The following CD8B variants were observed in gnomAD, a reference collection of about 807,000 sequenced individuals.
CD8B encodes T-cell surface glycoprotein CD8 beta chain.
Under a neutral mutation model 24.2 loss-of-function variants are expected in CD8B, and 6 were observed. That is an observed-to-expected ratio of 0.25 (90% CI 0.14 to 0.49). The LOEUF (loss-of-function observed/expected upper bound fraction) is 0.49. Ranked by LOEUF, CD8B falls within the 20% of genes least tolerant of loss-of-function variation. The pLI, the probability that CD8B is intolerant of heterozygous loss-of-function variation, is 0.98. For missense variants in CD8B, 196 were observed against 271.3 expected, an observed-to-expected ratio of 0.72 and a Z score of 1.95; for synonymous variants, 84 against 108.3, an observed-to-expected ratio of 0.78 and a Z score of 1.39.
intron 5 of CD8B, chr2:86,822,396 C>T (rs1674515325): frequency 6.8e-7 from 1 of 1,474,838 alleles, no homozygotes; most frequent in South Asian, 1.2e-5. Context: ...AGAGTATGAA[C>T]AGAGATGTTA....
At chr2:86,847,200 G>C (rs1675732495) in intron 3 of CD8B, among the ~76,000 whole-genome samples, 1 of 151,878 alleles carries the variant, frequency 6.6e-6, no homozygotes, top group Admixed American at 6.6e-5. Flanking sequence ...GCCTCCCAAA[G>C]TGCTGGGATT....
intron 5 of CD8B, among the ~76,000 whole-genome samples, chr2:86,818,689 C>T (rs887212694): frequency 1.3e-5 from 2 of 152,164 alleles, no homozygotes; most frequent in Non-Finnish European, 2.9e-5. Flanking sequence ...CCCCTATGCC[C>T]TGAGCCACAA....
At chr2:86,822,401 A>T in intron 5 of CD8B, 1 of 1,353,256 alleles carries the variant, frequency 7.4e-7, no homozygotes, top group Non-Finnish European at 1.0e-6. Context: ...ATGAACAGAG[A>T]TGTTAAATGT....
chr2:86,850,258 C>T (rs1675910845), intron 3 of CD8B, among the ~76,000 whole-genome samples: 1 of 152,144 alleles, frequency 6.6e-6, no homozygotes, highest in Admixed American at 6.5e-5. Flanking sequence ...CCCAGCCTTC[C>T]TCATCTTACC....
chr2:86,836,397 A>G (rs1393278614), downstream of CD8B, among the ~76,000 whole-genome samples: 2 of 152,028 alleles, frequency 1.3e-5, no homozygotes, highest in African/African-American at 4.8e-5. Context: ...GGGCCCAACT[A>G]TGTCCATCCT....
In CD8B at chr2:86,817,643, C is replaced by G. The variant is rs577883741; in HGVS notation, c.621-1925G>C. Among the ~76,000 whole-genome samples, 3 of 152,006 alleles carry G rather than the reference C, an allele frequency of 2.0e-5. No individual in the cohort carries two copies. The South Asian group carries it at 6.2e-4, about 32-fold the overall frequency. ...AAGAGAATCACAAGTATAAAAAAAG[C>G]CTGGAGGCAGAACCCACAAATTTCA... On this transcript the variant is annotated intron_variant, in intron 5 of 5. Coordinates refer to the CD8B transcript ENST00000331469.
In CD8B at chr2:86,838,721, C is replaced by A. The variant is rs1211590046; in HGVS notation, c.*3586G>T. ...CTTGCTATGTTGCCTAGGCTGCTCT[C>A]AAACTCCTGAGCTCAAGTGATCATT... On this transcript the variant is annotated 3_prime_UTR_variant, in exon 6 of 6. Transcript: ENST00000390655. Among the ~76,000 whole-genome samples the A allele has an allele frequency of 1.3e-5, 2 of 152,160 alleles. No homozygotes were observed. Among genetic ancestry groups the A allele is most frequent in the Non-Finnish European group, 2.9e-5 (2 of 68,018 alleles).
downstream of CD8B, among the ~76,000 whole-genome samples, chr2:86,836,738 C>T (rs557972970): frequency 6.6e-6 from 1 of 152,260 alleles, no homozygotes; most frequent in East Asian, 1.9e-4. Context: ...TGCACACTAG[C>T]CTGGGCAACA....
At chr2:86,820,724 G>A (rs1674431402) in intron 5 of CD8B, among the ~76,000 whole-genome samples, 1 of 152,242 alleles carries the variant, frequency 6.6e-6, no homozygotes, top group Non-Finnish European at 1.5e-5. Context: ...AATTTCCAAG[G>A]TTAGTGAAAC....
At chr2:86,830,625 G>A (rs886453944) in intron 5 of CD8B, among the ~76,000 whole-genome samples, 9 of 151,576 alleles carry the variant, frequency 5.9e-5, no homozygotes, top group East Asian at 3.9e-4. Flanking sequence ...GAATATTTTC[G>A]TGATATATTC....
At chr2:86,852,637 A>C (rs1475653148) in intron 3 of CD8B, among the ~76,000 whole-genome samples, 1 of 152,084 alleles carries the variant, frequency 6.6e-6, no homozygotes, top group Non-Finnish European at 1.5e-5. Context: ...TATTATGGCC[A>C]AACAATATTC....
At chr2:86,819,018 CA>C (rs1674365180) in intron 5 of CD8B, among the ~76,000 whole-genome samples, 1 of 152,152 alleles carries the variant, frequency 6.6e-6, no homozygotes, top group Non-Finnish European at 1.5e-5. Context: ...GGAACAGCCA[CA>C]AAATTCCCTT....
intron 5 of CD8B, among the ~76,000 whole-genome samples, chr2:86,820,208 G>A (rs1674405609): frequency 6.6e-6 from 1 of 152,222 alleles, no homozygotes; most frequent in Non-Finnish European, 1.5e-5. Flanking sequence ...CATAAACTTA[G>A]TTGAGAAAGA....
At chr2:86,831,065 A>G (rs1020577183) in intron 5 of CD8B, among the ~76,000 whole-genome samples, 8 of 151,846 alleles carry the variant, frequency 5.3e-5, no homozygotes, top group Admixed American at 4.6e-4. Flanking sequence ...ATTATAATCT[A>G]TTATTTTTGT....
chr2:86,842,564 T>C (rs1675486513), intron 5 of CD8B, among the ~76,000 whole-genome samples: 1 of 152,236 alleles, frequency 6.6e-6, no homozygotes, highest in South Asian at 2.1e-4. Flanking sequence ...TTACTTCCTG[T>C]AGTACCTCTA....
chr2:86,821,820 G>GC, intron 5 of CD8B: 1 of 339,204 alleles, frequency 2.9e-6, no homozygotes, highest in South Asian at 2.1e-5. Context: ...AATGTTCCGA[G>GC]CCCCCTGCTT....
chr2:86,840,371 A>C lies in CD8B; in HGVS notation c.*1936T>G, dbSNP rs1206809412. Among the ~76,000 whole-genome samples the C allele has an allele frequency of 6.6e-6, 1 of 152,216 alleles. No individual in the cohort carries two copies. The highest frequency in any genetic ancestry group is 1.5e-5 in the Non-Finnish European group (1 of 68,042). On this transcript the variant is annotated 3_prime_UTR_variant, in exon 6 of 6. Transcript: ENST00000390655. ...GGAAAAACCCCATCTCCCCACACTGAGTAACCAAGGATCAAAGGCTACTCT... is the reference window on the plus strand; with the variant it reads ...GGAAAAACCCCATCTCCCCACACTGCGTAACCAAGGATCAAAGGCTACTCT...
At chr2:86,834,935 C>CAAA (rs59354571), downstream of CD8B, among the ~76,000 whole-genome samples, 6 of 93,950 alleles carry the variant, frequency 6.4e-5, no homozygotes, top group African/African-American at 1.6e-4. Flanking sequence ...AACTCTGTCT[C>CAAA]AAAAAAAAAA....
chr2:86,815,984 G>C (rs76292970), intron 5 of CD8B, among the ~76,000 whole-genome samples: 1 of 152,202 alleles, frequency 6.6e-6, no homozygotes, highest in Non-Finnish European at 1.5e-5. Context: ...CACACACAGA[G>C]AATTACCTGC....
Sources: gnomAD v4.1 joint callset for allele counts (sites outside exome capture counted in the v4.1 genomes callset) on GRCh38, gnomAD v4.1.1 for gene constraint, MANE v1.5 for transcripts, NCBI Gene and HGNC (gene_info 2026-07-23, HGNC 2026-07-21) for gene names.